KIF1A: variants seen among roughly 807,000 people sequenced by gnomAD.
KIF1A encodes kinesin family member 1A, also known as kinesin-like protein KIF1A.
In KIF1A, 46 loss-of-function variants were observed where a neutral mutation model predicts 227.3. That is an observed-to-expected ratio of 0.20 (90% confidence interval 0.16 to 0.26). The LOEUF (loss-of-function observed/expected upper bound fraction) is 0.26. Among genes scored for constraint, KIF1A ranks in the 10% least tolerant of loss-of-function variants. The pLI, the probability that KIF1A is intolerant of heterozygous loss-of-function variation, is 1.00. For synonymous variants in KIF1A, 1,022 were observed against 1,012.8 expected (o/e 1.01, Z -0.17); for missense variants, 1,683 against 2,485.9 (o/e 0.68, Z 6.87).
rs1475762056 is a variant in KIF1A at position 240,758,891 on chromosome 2, G to A, written c.2445-394C>T. On this transcript the variant is annotated intron_variant, in intron 25 of 48. Transcript: ENST00000498729. This position sits in a 1 kb window ranked among gnomAD's most constrained non-coding sequence, Gnocchi z 5.2. ...GAGGCGCAAGAGCTCGAGGAATAAA[G>A]GGCAAACTGGGGGTAGGGACACAGA... is the stretch of plus-strand genomic sequence containing the variant. Among the ~76,000 whole-genome samples, 2 of 152,190 alleles carry A rather than the reference G, an allele frequency of 1.3e-5. No individual in the cohort carries two copies. Among genetic ancestry groups the A allele is most frequent in the Non-Finnish European group, 2.9e-5 (2 of 68,034 alleles).
In KIF1A at chr2:240,793,477, G is replaced by A. The variant is rs1314473752; in HGVS notation, c.107-4165C>T. Among the ~76,000 whole-genome samples the A allele has an allele frequency of 6.6e-6, 1 of 152,208 alleles. No individual in the cohort carries two copies. Among genetic ancestry groups the A allele is most frequent in the Non-Finnish European group, 1.5e-5 (1 of 68,030 alleles). ...GGCTGAGGGTCCGCGTCCCCAGCCA[G>A]CCTCCAGCATCTGCAGAATGGCTGG... On this transcript the variant is annotated intron_variant, in intron 2 of 48. Coordinates refer to ENST00000498729, the MANE Select transcript of KIF1A (RefSeq NM_001244008.2). The surrounding 1 kb of genome is among the most constrained non-coding windows in gnomAD (Gnocchi z 4.8).
At chr2:240,743,073 C>CGGGATGGG in intron 33 of KIF1A, 89 bp from the exon 34 acceptor site, 2 of 1,009,302 alleles carry the variant, frequency 2.0e-6, no homozygotes, top group Non-Finnish European at 2.8e-6. Context: ...CCCCAGGTGC[C>CGGGATGGG]CATCCCGGCC....
At chr2:240,785,815 G>A (rs2054666326) in intron 6 of KIF1A, among the ~76,000 whole-genome samples, 2 of 152,220 alleles carry the variant, frequency 1.3e-5, no homozygotes, top group Admixed American at 1.3e-4. Flanking sequence ...AGCTGAGAGT[G>A]ACAAGGGCCA....
chr2:240,750,232 G>A lies in KIF1A; in HGVS notation c.2977+197C>T, dbSNP rs561786631. On this transcript the variant is annotated intron_variant, in intron 28 of 48. Coordinates refer to ENST00000498729, the MANE Select transcript of KIF1A (RefSeq NM_001244008.2). The stretch of plus-strand genomic sequence containing the variant: ...AGGGCCCACTGCGGGGCAGCAGCCC[G>A]GGGCGCCAGCCCAGGACAGCGTGGA... Among the ~76,000 whole-genome samples the A allele has an allele frequency of 1.4e-4, 22 of 152,334 alleles. 2 individuals are homozygous for A. In the South Asian group the frequency reaches 4.1e-3, roughly 29 times the overall value.
chr2:240,737,988 T>C (rs905647391), intron 37 of KIF1A, among the ~76,000 whole-genome samples: 3 of 152,186 alleles, frequency 2.0e-5, no homozygotes, highest in African/African-American at 4.8e-5. Context: ...CCCATGACTT[T>C]GCAGCACTTA....
chr2:240,801,159 A>G (rs944369819), intron 1 of KIF1A, among the ~76,000 whole-genome samples: 9 of 152,240 alleles, frequency 5.9e-5, no homozygotes, highest in African/African-American at 2.2e-4. Context: ...CACATGAGAA[A>G]AAAAAAGACA....
At chr2:240,751,510 C>A (rs537665027) in intron 27 of KIF1A, among the ~76,000 whole-genome samples, 2 of 152,176 alleles carry the variant, frequency 1.3e-5, no homozygotes, top group African/African-American at 2.4e-5. Flanking sequence ...ATACCCCTGA[C>A]CTTCCTGCAG....
chr2:240,740,325 T>A lies in KIF1A; in HGVS notation c.3789A>T (p.Pro1263=). ...PAVVDHRGGM[P]CMGTFLLHQG... Reference sequence around the variant, plus strand: ...GGTGGAGGAGGAAGGTCCCCATGCATGGCATGCCCCCACGGTGGTCCACCA... The same window carrying A: ...GGTGGAGGAGGAAGGTCCCCATGCAAGGCATGCCCCCACGGTGGTCCACCA... The change falls in exon 36 of 49, where the codon CCA becomes CCT. Residue 1263 remains proline, a synonymous_variant. Coordinates refer to ENST00000498729, the MANE Select transcript of KIF1A (RefSeq NM_001244008.2). The surrounding 1 kb of genome is among the most constrained non-coding windows in gnomAD (Gnocchi z 6.1). 3 of 1,613,556 alleles carry A rather than the reference T, an allele frequency of 1.9e-6. No homozygotes were observed. The highest frequency in any genetic ancestry group is 2.5e-6 in the Non-Finnish European group (3 of 1,179,744).
chr2:240,770,578 C>A (rs79939658), intron 15 of KIF1A, among the ~76,000 whole-genome samples: 4,692 of 152,288 alleles, frequency 0.031, 252 homozygotes, highest in African/African-American at 0.11. Flanking sequence ...GAACAAGCAC[C>A]CACTCACACA....
At chr2:240,774,000 T>C (rs1447189800) in intron 12 of KIF1A, among the ~76,000 whole-genome samples, 183 bp downstream of exon 12, 14 of 152,144 alleles carry the variant, frequency 9.2e-5, no homozygotes, top group Admixed American at 7.2e-4. Context: ...ATGGAGGGAA[T>C]AGAACAGGGC....
intron 2 of KIF1A, among the ~76,000 whole-genome samples, chr2:240,795,015 G>A: frequency 6.6e-6 from 1 of 152,166 alleles, no homozygotes; most frequent in East Asian, 1.9e-4. Context: ...CTCCTCCTTG[G>A]TTTCAGAACT....
chr2:240,810,134 C>A (rs1016951192), intron 1 of KIF1A, among the ~76,000 whole-genome samples: 2 of 152,088 alleles, frequency 1.3e-5, no homozygotes, highest in South Asian at 4.1e-4. Flanking sequence ...CTTAACCCAC[C>A]GAAAACACCA....
intron 29 of KIF1A, 94 bp downstream of exon 29, chr2:240,747,142 G>A (rs1355103185): frequency 2.9e-5 from 25 of 848,124 alleles, no homozygotes; most frequent in African/African-American, 5.0e-5. Flanking sequence ...GGGCCCGTGG[G>A]ATGGGACACA....
chr2:240,804,812 A>G (rs189581359), intron 1 of KIF1A, among the ~76,000 whole-genome samples: 1 of 152,222 alleles, frequency 6.6e-6, no homozygotes, highest in Admixed American at 6.5e-5. Context: ...AGCTCAGAGT[A>G]GTTCTCAGGA....
chr2:240,763,061 G>A lies in KIF1A; in HGVS notation c.1980C>T (p.Arg660=), dbSNP rs1355197070. 29 of 1,550,812 alleles carry A rather than the reference G, an allele frequency of 1.9e-5. No individual in the cohort carries two copies. The highest frequency in any genetic ancestry group is 6.8e-5 in the East Asian group (3 of 43,810). ...GCAGGTAGGTGGCCTCCTCCCGCTCGCGGCGGTACTGGTCCTCCAGTTCCT... is the reference window on the plus strand; with the variant it reads ...GCAGGTAGGTGGCCTCCTCCCGCTCACGGCGGTACTGGTCCTCCAGTTCCT... ...RLQELEDQYR[R]EREEATYLLE... is the part of the protein sequence containing the mutation. The change falls in exon 22 of 49, where the codon CGC becomes CGT. Residue 660 remains arginine (R), a synonymous_variant. Transcript: ENST00000498729.
chr2:240,740,352 G>A lies in KIF1A; in HGVS notation c.3762C>T (p.Ala1254=), dbSNP rs758470895. The change falls in exon 36 of 49, where the codon GCC becomes GCT. Residue 1254 remains alanine (A), a synonymous_variant. Transcript: ENST00000498729. This position sits in a 1 kb window ranked among gnomAD's most constrained non-coding sequence, Gnocchi z 6.1. ...GCATGCCCCCACGGTGGTCCACCAC[G>A]GCCGGGATGTAACTGGAAGAGAGAG... The part of the protein sequence containing the change: ...ELEANGDYIP[A]VVDHRGGMPC... 30 of 1,613,516 alleles carry A rather than the reference G, an allele frequency of 1.9e-5. No individual in the cohort carries two copies. The highest frequency in any genetic ancestry group is 8.0e-5 in the African/African-American group (6 of 74,886).
chr2:240,813,873 C>T (rs1018700480), intron 1 of KIF1A, among the ~76,000 whole-genome samples: 2 of 152,176 alleles, frequency 1.3e-5, no homozygotes, highest in African/African-American at 2.4e-5. Flanking sequence ...ATGGAACAGA[C>T]GCGAAACAAC....
At position 240,816,907 on chromosome 2, in the gene KIF1A, G is replaced by A. The variant is rs576510568; in HGVS notation, c.-61+3215C>T. 1.8e-4 allele frequency among the ~76,000 whole-genome samples: 27 copies of A among 152,328 alleles called. 1 individual carries two copies. The South Asian group carries it at 2.9e-3, about 16-fold the overall frequency. On this transcript the variant is annotated intron_variant, in intron 1 of 48. Coordinates refer to ENST00000498729, the MANE Select transcript of KIF1A (RefSeq NM_001244008.2). ...CCCACAGCACCCCCAACTGCAGCACGTGGGCCAAGCCCAGCCAGCTGTTCC... is the reference window on the plus strand; with the variant it reads ...CCCACAGCACCCCCAACTGCAGCACATGGGCCAAGCCCAGCCAGCTGTTCC...
chr2:240,780,196 C>T (rs1023987113), intron 10 of KIF1A, among the ~76,000 whole-genome samples: 2 of 152,068 alleles, frequency 1.3e-5, no homozygotes, highest in South Asian at 2.1e-4. Flanking sequence ...AGCAGCCACC[C>T]GCCTGGCCCC....
Sources: allele counts gnomAD v4.1 joint callset (sites outside exome capture counted in the v4.1 genomes callset), GRCh38; gene constraint gnomAD v4.1.1; non-coding constraint Gnocchi (gnomAD v3.1); transcripts MANE v1.5; gene names NCBI Gene and HGNC (gene_info 2026-07-23, HGNC 2026-07-21).